Variants in SLC16A12 observed in about 807,000 individuals in gnomAD.
The protein encoded by SLC16A12 is solute carrier family 16 member 12.
Under a neutral mutation model 42.4 loss-of-function variants are expected in SLC16A12, and 17 were observed. The ratio of observed to expected loss-of-function variants is 0.40; its 90% CI spans 0.27 to 0.60. SLC16A12 has a LOEUF of 0.60. Ranked by LOEUF, SLC16A12 falls within the 20% of genes least tolerant of loss-of-function variation. SLC16A12 has a pLI of 0.42. For missense variants in SLC16A12, 544 were observed against 623.0 expected (o/e 0.87, Z 1.35); for synonymous variants, 224 against 229.4 (o/e 0.98, Z 0.21).
chr10:89,548,007 A>C (rs1564606130), intron 2 of SLC16A12, among the ~76,000 whole-genome samples: 1 of 150,804 alleles, frequency 6.6e-6, no homozygotes, highest in Non-Finnish European at 1.5e-5. Context: ...CTTGAGAGAG[A>C]AGCTGGCAAG....
At chr10:89,458,881 C>A in intron 3 of SLC16A12, among the ~76,000 whole-genome samples, 1 of 152,236 alleles carries the variant, frequency 6.6e-6, no homozygotes, top group South Asian at 2.1e-4. Flanking sequence ...AGTTAACAAA[C>A]CACTTTAGGC....
intron 2 of SLC16A12, among the ~76,000 whole-genome samples, chr10:89,554,039 A>AGAAG (rs1564607067): frequency 0.014 from 651 of 45,452 alleles, 13 homozygotes; most frequent in African/African-American, 0.059. Flanking sequence ...AAAGGAAGAA[A>AGAAG]GAAAGAAAGA....
At chr10:89,485,459 G>A (rs1411554284) in intron 2 of SLC16A12, among the ~76,000 whole-genome samples, 4 of 152,176 alleles carry the variant, frequency 2.6e-5, no homozygotes, top group African/African-American at 9.7e-5. Context: ...TCCTGCTCCA[G>A]GTGCCCTGAG....
intron 2 of SLC16A12, among the ~76,000 whole-genome samples, chr10:89,472,273 C>T (rs1373823491): frequency 2.8e-4 from 39 of 137,254 alleles, no homozygotes. Context: ...ACAACATGTG[C>T]ATTATTTTTA....
intron 2 of SLC16A12, among the ~76,000 whole-genome samples, chr10:89,515,256 C>T (rs527909102): frequency 2.6e-5 from 4 of 152,284 alleles, no homozygotes; most frequent in African/African-American, 7.2e-5. Context: ...TCAGGACTCT[C>T]AAATCCCTCC....
At chr10:89,519,902 C>G (rs919476258) in intron 2 of SLC16A12, among the ~76,000 whole-genome samples, 4 of 152,176 alleles carry the variant, frequency 2.6e-5, no homozygotes, top group African/African-American at 9.6e-5. Context: ...ATCACAAGGT[C>G]AGGAGTTCAA....
In SLC16A12 at chr10:89,439,188, G is replaced by A; in HGVS notation, c.449-5C>T. On this transcript the variant is annotated splice_polypyrimidine_tract_variant and splice_region_variant and intron_variant, in intron 5 of 7. Transcript: ENST00000371790. Reference sequence around the variant, plus strand: ...AACAAAGTGCAAATCCAAGACCTGAGGATAAAGAGAACTCTATGAGTGCTG... The same window carrying A: ...AACAAAGTGCAAATCCAAGACCTGAAGATAAAGAGAACTCTATGAGTGCTG... The A allele has an allele frequency of 8.7e-6, 14 of 1,613,740 alleles. No homozygotes were observed. Among genetic ancestry groups the A allele is most frequent in the Non-Finnish European group, 1.2e-5 (14 of 1,179,802 alleles).
Position 89,462,601 on chromosome 10 carries a change from C to G in SLC16A12, c.-23G>C. 9.5e-6 allele frequency: 15 copies of G among 1,581,264 alleles called. No individual in the cohort carries two copies. Among genetic ancestry groups the G allele is most frequent in the Non-Finnish European group, 1.3e-5 (15 of 1,168,244 alleles). ...CATTCAAGGTTGGCATAGAACGCTA[C>G]CTGGCCCATGGGTTACTCGCCATCT... is the stretch of plus-strand genomic sequence containing the variant. On this transcript the variant is annotated 5_prime_UTR_variant, in exon 3 of 8. Coordinates refer to ENST00000371790, the MANE Select transcript of SLC16A12 (RefSeq NM_213606.4).
Position 89,444,214 on chromosome 10 carries a change from T to C in SLC16A12, c.201-355A>G, listed in dbSNP as rs1226260067. Among the ~76,000 whole-genome samples, 6 of 152,336 alleles carry C rather than the reference T, an allele frequency of 3.9e-5. No homozygotes were observed. The East Asian group carries it at 1.2e-3, about 29-fold the overall frequency. On this transcript the variant is annotated intron_variant, in intron 3 of 7. Coordinates refer to ENST00000371790, the MANE Select transcript of SLC16A12 (RefSeq NM_213606.4). ...ATTAAGATTTGACAATAAAGAATTA[T>C]ATATCACCAGCAATGTCACCTCTAG...
intron 2 of SLC16A12, among the ~76,000 whole-genome samples, chr10:89,511,529 A>T (rs1007628784): frequency 6.6e-6 from 1 of 152,142 alleles, no homozygotes; most frequent in Admixed American, 6.5e-5. Flanking sequence ...GAGTTGAGCA[A>T]TGAGAACACA....
At chr10:89,462,356 G>C in intron 3 of SLC16A12, 23 bp downstream of exon 3, 1 of 1,613,710 alleles carries the variant, frequency 6.2e-7, no homozygotes, top group Non-Finnish European at 8.5e-7. Context: ...ATCTTAATAA[G>C]TTAAGAAGAA....
At position 89,433,209 on chromosome 10, in the gene SLC16A12, G is replaced by A. The variant is rs915646353; in HGVS notation, c.1406C>T (p.Thr469Ile). Reference protein sequence around the residue: ...FARLIKRMRKTQLQFIAKESD... With the variant: ...FARLIKRMRKIQLQFIAKESD... ...TTCTTTGGCAATGAACTGCAACTGG[G>A]TTTTTCTCATTCTCTTTATAAGTCT... The change falls in exon 8 of 8, where the codon ACC (threonine) becomes ATC (isoleucine). Residue 469 changes from threonine (T) to isoleucine (I), a missense_variant. Physicochemically the swap from Thr to Ile is moderately conservative, Grantham distance 89. Transcript: ENST00000371790. The A allele has an allele frequency of 5.6e-6, 9 of 1,614,032 alleles. No individual in the cohort carries two copies. Among genetic ancestry groups the A allele is most frequent in the African/African-American group, 1.3e-5 (1 of 74,904 alleles).
chr10:89,455,951 C>T (rs1842182332), intron 3 of SLC16A12: 1 of 152,194 alleles, frequency 6.6e-6, no homozygotes, highest in Non-Finnish European at 1.5e-5. Context: ...AACAAAGTAT[C>T]ACCAAGTGTC....
At chr10:89,552,837 C>T (rs1415624791) in intron 2 of SLC16A12, among the ~76,000 whole-genome samples, 5 of 152,106 alleles carry the variant, frequency 3.3e-5, no homozygotes, top group Non-Finnish European at 7.3e-5. Context: ...AGTTTTACAC[C>T]GGAATTAGCC....
At chr10:89,523,474 A>C (rs1191941857) in intron 2 of SLC16A12, among the ~76,000 whole-genome samples, 1 of 152,176 alleles carries the variant, frequency 6.6e-6, no homozygotes, top group Non-Finnish European at 1.5e-5. Flanking sequence ...CAGTCTCTGT[A>C]GAATGTGGCA....
At chr10:89,497,510 AG>A (rs1189380662) in intron 2 of SLC16A12, among the ~76,000 whole-genome samples, 2 of 152,242 alleles carry the variant, frequency 1.3e-5, no homozygotes, top group Non-Finnish European at 2.9e-5. Context: ...GTGGTACAAA[AG>A]GATAACTGGA....
chr10:89,487,993 T>TAC (rs1320601071), intron 2 of SLC16A12, among the ~76,000 whole-genome samples: 66 of 119,618 alleles, frequency 5.5e-4, no homozygotes, highest in Admixed American at 2.8e-3. Flanking sequence ...TATATATATA[T>TAC]ATACACACAC....
chr10:89,461,508 A>G (rs1842299323), intron 3 of SLC16A12, among the ~76,000 whole-genome samples: 1 of 152,150 alleles, frequency 6.6e-6, no homozygotes, highest in Non-Finnish European at 1.5e-5. Context: ...CACACATCCA[A>G]TGTAAACTTT....
intron 2 of SLC16A12, among the ~76,000 whole-genome samples, chr10:89,475,009 T>G (rs1375061591): frequency 1.3e-5 from 2 of 152,250 alleles, no homozygotes; most frequent in Non-Finnish European, 2.9e-5. Flanking sequence ...CCCCAGCAAC[T>G]AAACAGTGCC....
Sources: allele counts gnomAD v4.1 joint callset (sites outside exome capture counted in the v4.1 genomes callset), GRCh38; gene constraint gnomAD v4.1.1; transcripts MANE v1.5; gene names NCBI Gene and HGNC (gene_info 2026-07-23, HGNC 2026-07-21).